Variants in CACNG3 observed in about 807,000 individuals in gnomAD.
CACNG3 encodes calcium voltage-gated channel auxiliary subunit gamma 3.
A neutral mutation model predicts 28.5 loss-of-function variants in CACNG3; 3 were observed. That is an observed-to-expected ratio of 0.11 (90% CI 0.05 to 0.27). The LOEUF (loss-of-function observed/expected upper bound fraction) is 0.27, where lower values mean the gene tolerates loss of function less well. CACNG3 is among the 10% of genes least tolerant of loss of function. The pLI is 1.00. For synonymous variants in CACNG3, 174 were observed against 162.2 expected (o/e 1.07, Z -0.55); for missense variants, 236 against 414.4 (o/e 0.57, Z 3.74).
intron 1 of CACNG3, among the ~76,000 whole-genome samples, chr16:24,300,183 C>T (rs1334655528): frequency 1.3e-5 from 2 of 152,226 alleles, no homozygotes; most frequent in East Asian, 3.9e-4. Context: ...ATGACTAAGG[C>T]CTTTTGATCT....
At chr16:24,342,043 G>A (rs910697625) in intron 1 of CACNG3, among the ~76,000 whole-genome samples, 30 of 152,298 alleles carry the variant, frequency 2.0e-4, no homozygotes, top group Admixed American at 3.3e-4. Flanking sequence ...TGCAGCAGGC[G>A]GATCACCTGA....
intron 1 of CACNG3, among the ~76,000 whole-genome samples, chr16:24,317,554 A>AAAAGAAAGAAAGAAAG (rs1202219518): frequency 1.3e-4 from 11 of 85,322 alleles, no homozygotes; most frequent in East Asian, 3.6e-4. Context: ...AAAAAAAAGA[A>AAAAGAAAGAAAGAAAG]AAAGAAAGAA....
At chr16:24,327,673 G>A (rs1899576624) in intron 1 of CACNG3, among the ~76,000 whole-genome samples, 2 of 151,636 alleles carry the variant, frequency 1.3e-5, no homozygotes, top group Admixed American at 6.6e-5. Context: ...CGGGTGCAGT[G>A]GCTCATGCCT....
chr16:24,269,746 CAAAAAAAAA>C (rs1163565728), intron 1 of CACNG3, among the ~76,000 whole-genome samples: 5 of 71,084 alleles, frequency 7.0e-5, no homozygotes, highest in Non-Finnish European at 1.4e-4. Context: ...GACTCCATCT[CAAAAAAAAA>C]AAAAAAAAAA....
At chr16:24,290,053 T>C (rs987888579) in intron 1 of CACNG3, among the ~76,000 whole-genome samples, 3 of 152,236 alleles carry the variant, frequency 2.0e-5, no homozygotes, top group Admixed American at 6.5e-5. Context: ...AAGACCATCA[T>C]AGACAGAGAA....
intron 1 of CACNG3, among the ~76,000 whole-genome samples, chr16:24,346,050 C>CG (rs1899861624): frequency 6.6e-6 from 1 of 152,014 alleles, no homozygotes; most frequent in Non-Finnish European, 1.5e-5. Flanking sequence ...GTAAAATGAG[C>CG]GAAAAAAATG....
At chr16:24,352,596 TG>T (rs1268661767) in intron 2 of CACNG3, among the ~76,000 whole-genome samples, 3 of 152,158 alleles carry the variant, frequency 2.0e-5, no homozygotes, top group Non-Finnish European at 4.4e-5. Context: ...TGGAGTGCAG[TG>T]GTACGATCTC....
chr16:24,293,330 G>A (rs1230203058), intron 1 of CACNG3, among the ~76,000 whole-genome samples: 1 of 151,910 alleles, frequency 6.6e-6, no homozygotes, highest in Non-Finnish European at 1.5e-5. Context: ...GACCTCAATG[G>A]TCCTCCAACT....
At chr16:24,347,352 G>A (rs1899883609) in intron 2 of CACNG3, among the ~76,000 whole-genome samples, 1 of 151,914 alleles carries the variant, frequency 6.6e-6, no homozygotes, top group South Asian at 2.1e-4. Context: ...AAAGGAGAAT[G>A]AGAATGAGAA....
At chr16:24,290,404 C>T (rs949785631) in intron 1 of CACNG3, among the ~76,000 whole-genome samples, 3 of 152,134 alleles carry the variant, frequency 2.0e-5, no homozygotes, top group African/African-American at 7.2e-5. Context: ...CCTGGCAGCC[C>T]CTTCACGAAG....
chr16:24,311,608 C>T (rs1054722169), intron 1 of CACNG3, among the ~76,000 whole-genome samples: 3 of 151,978 alleles, frequency 2.0e-5, no homozygotes, highest in Admixed American at 6.6e-5. Context: ...GTAATCCCAA[C>T]ACTTTGGGAG....
intron 1 of CACNG3, among the ~76,000 whole-genome samples, chr16:24,344,173 T>C (rs1197112376): frequency 1.3e-5 from 2 of 152,194 alleles, no homozygotes; most frequent in African/African-American, 2.4e-5. Context: ...GGCTCACATC[T>C]GTAATCCCAG....
At chr16:24,258,775 A>C (rs1313724640) in intron 1 of CACNG3, among the ~76,000 whole-genome samples, 3 of 152,242 alleles carry the variant, frequency 2.0e-5, no homozygotes, top group Admixed American at 2.0e-4. Flanking sequence ...CCAAGCCAAA[A>C]ATGGCACATA....
At chr16:24,335,523 C>T (rs1899691734) in intron 1 of CACNG3, among the ~76,000 whole-genome samples, 1 of 152,206 alleles carries the variant, frequency 6.6e-6, no homozygotes. Flanking sequence ...CTCTAATGCA[C>T]TTGACGAACA....
intron 1 of CACNG3, among the ~76,000 whole-genome samples, chr16:24,319,185 A>T (rs1291380327): frequency 6.6e-6 from 1 of 152,242 alleles, no homozygotes; most frequent in African/African-American, 2.4e-5. Context: ...GCTTCAAAAG[A>T]AAATGACGTT....
rs763168467 is a variant in CACNG3, at chr16:24,361,312, G to GGTGTA, written c.437-39_437-35dup. Reference sequence around the variant, plus strand: ...GATGGAAAGTGACAGTTCTCTCCGAGGTGTATAAAGGACGTGTTTTTCTTT... The same window carrying GGTGTA: ...GATGGAAAGTGACAGTTCTCTCCGAGGTGTAGTGTATAAAGGACGTGTTTTTCTTT... On this transcript the variant is annotated intron_variant, in intron 3 of 3. Coordinates refer to ENST00000005284, the MANE Select transcript of CACNG3 (RefSeq NM_006539.4). This position sits in a 1 kb window ranked among gnomAD's most constrained non-coding sequence, Gnocchi z 6.8. 2.8e-6 allele frequency: 4 copies of GGTGTA among 1,433,248 alleles called. No individual in the cohort carries two copies. The South Asian group carries it at 4.1e-5, about 15-fold the overall frequency. The allele number at this position is 1,433,248 out of a possible 1,614,324, so 88.8% of individuals were successfully genotyped here. A position where few individuals can be genotyped will look rare whatever the true frequency, so the allele number is the denominator to read the frequency against.
chr16:24,327,654 A>C (rs946982080), intron 1 of CACNG3, among the ~76,000 whole-genome samples: 6 of 150,238 alleles, frequency 4.0e-5, no homozygotes, highest in South Asian at 2.1e-4. Context: ...CAAAACAAAA[A>C]AAACAGGCCG....
At chr16:24,271,075 T>C (rs1317176014) in intron 1 of CACNG3, among the ~76,000 whole-genome samples, 3 of 152,180 alleles carry the variant, frequency 2.0e-5, no homozygotes, top group Admixed American at 2.0e-4. Context: ...GTAAGGACTT[T>C]GACTCTTAAT....
intron 1 of CACNG3, among the ~76,000 whole-genome samples, chr16:24,301,456 G>A (rs1899110590): frequency 2.0e-5 from 3 of 152,150 alleles, no homozygotes; most frequent in Non-Finnish European, 4.4e-5. Context: ...ATCCAACTCA[G>A]TCAACTTGTC....
Sources: gnomAD v4.1 joint callset for allele counts (sites outside exome capture counted in the v4.1 genomes callset) on GRCh38, gnomAD v4.1.1 for gene constraint, Gnocchi (gnomAD v3.1) non-coding constraint, MANE v1.5 for transcripts, NCBI Gene and HGNC (gene_info 2026-07-23, HGNC 2026-07-21) for gene names.